MSI2: variants seen among roughly 807,000 people sequenced by gnomAD.
The protein encoded by MSI2 is RNA-binding protein Musashi homolog 2.
MSI2 carries 17 observed loss-of-function variants against 45.6 expected under a neutral mutation model. The ratio of observed to expected loss-of-function variants is 0.37; its 90% confidence interval spans 0.26 to 0.56. MSI2 has a LOEUF of 0.56. Ranked by LOEUF, MSI2 falls within the 20% of genes least tolerant of loss-of-function variation. The pLI is 0.77. For synonymous variants in MSI2, 156 were observed against 158.2 expected, an observed-to-expected ratio of 0.99 and a Z score of 0.11; for missense variants, 293 against 444.2, an observed-to-expected ratio of 0.66 and a Z score of 3.06.
chr17:57,683,826 A>G lies in MSI2; in HGVS notation c.*4309A>G, dbSNP rs1055327163. The G allele has an allele frequency of 2.2e-5, 5 of 232,368 alleles. No homozygotes were observed. The Admixed American group carries it at 2.3e-4, about 10-fold the overall frequency. 14.4% of individuals were successfully genotyped at this position (232,368 alleles called of 1,614,324 possible). A position where few individuals can be genotyped will look rare whatever the true frequency, so the allele number is the denominator to read the frequency against. ...CACCCTCACCCCAAAGCAGAAAACT[A>G]GCAGACGTCAGCTCAGCCCCGTCCT... On this transcript the variant is annotated 3_prime_UTR_variant, in exon 14 of 14. Transcript: ENST00000284073. This position sits in a 1 kb window ranked among gnomAD's most constrained non-coding sequence, Gnocchi z 5.2.
intron 6 of MSI2, among the ~76,000 whole-genome samples, chr17:57,480,432 A>G (rs568101334): frequency 6.6e-6 from 1 of 152,366 alleles, no homozygotes; most frequent in Admixed American, 6.5e-5. Flanking sequence ...AGGCCAATAA[A>G]CAGGACTCAT....
chr17:57,447,826 C>T (rs1296626976), intron 6 of MSI2, among the ~76,000 whole-genome samples: 2 of 152,160 alleles, frequency 1.3e-5, no homozygotes, highest in African/African-American at 4.8e-5. Flanking sequence ...CTGACACTGA[C>T]AATTTACTTC....
At chr17:57,474,172 G>T (rs80118282) in intron 6 of MSI2, among the ~76,000 whole-genome samples, 3,726 of 152,178 alleles carry the variant, frequency 0.024, 66 homozygotes, top group South Asian at 0.044. Context: ...TGGGCCACCG[G>T]TACTGTTTCC....
chr17:57,408,105 A>G (rs11871646), intron 6 of MSI2, among the ~76,000 whole-genome samples: 114,470 of 152,134 alleles, frequency 0.75, 46,400 homozygotes, highest in South Asian at 0.92. Context: ...CTTTTCCTCC[A>G]TAGACTGATT....
intron 5 of MSI2, among the ~76,000 whole-genome samples, chr17:57,288,740 G>A (rs1272810475): frequency 1.3e-5 from 2 of 152,166 alleles, no homozygotes; most frequent in Non-Finnish European, 2.9e-5. Context: ...GAGTGTGAGC[G>A]TTTGATTACC....
intron 7 of MSI2, among the ~76,000 whole-genome samples, chr17:57,579,792 C>T (rs1310012637): frequency 6.6e-6 from 1 of 152,182 alleles, no homozygotes; most frequent in Non-Finnish European, 1.5e-5. Context: ...CTTCGGTGTA[C>T]TCTCTCCTTA....
intron 5 of MSI2, among the ~76,000 whole-genome samples, chr17:57,382,057 G>A (rs1314191350): frequency 2.6e-5 from 4 of 152,206 alleles, no homozygotes; most frequent in South Asian, 2.1e-4. Flanking sequence ...TACTCTTCAG[G>A]AATAGTTTAC....
intron 5 of MSI2, among the ~76,000 whole-genome samples, chr17:57,397,738 A>G (rs1473383297): frequency 6.6e-6 from 1 of 152,168 alleles, no homozygotes; most frequent in Non-Finnish European, 1.5e-5. Context: ...CTGGCGGGAG[A>G]GGTCACTGTG....
At chr17:57,341,197 G>C (rs1266515633) in intron 5 of MSI2, among the ~76,000 whole-genome samples, 1 of 152,200 alleles carries the variant, frequency 6.6e-6, no homozygotes, top group Non-Finnish European at 1.5e-5. Flanking sequence ...GAGCTGGGAA[G>C]GATGCTGGCA....
At chr17:57,411,117 A>G (rs2084187807) in intron 6 of MSI2, among the ~76,000 whole-genome samples, 1 of 152,076 alleles carries the variant, frequency 6.6e-6, no homozygotes, top group African/African-American at 2.4e-5. Flanking sequence ...TGATTCCCCA[A>G]CCTCAGCCTC....
At chr17:57,361,398 C>T (rs963939050) in intron 5 of MSI2, among the ~76,000 whole-genome samples, 8 of 151,208 alleles carry the variant, frequency 5.3e-5, no homozygotes, top group African/African-American at 1.5e-4. Flanking sequence ...CTCAGAAGTT[C>T]GAGACAGCCT....
chr17:57,570,845 CCTGGCAGGCCGAT>C (rs1183209268), intron 7 of MSI2, among the ~76,000 whole-genome samples: 1 of 152,166 alleles, frequency 6.6e-6, no homozygotes. Context: ...TATGGGGGTT[CCTGGCAGGCCGAT>C]CTGGCAGGCA....
intron 6 of MSI2, among the ~76,000 whole-genome samples, chr17:57,443,142 G>C (rs1467435626): frequency 1.3e-5 from 2 of 152,128 alleles, no homozygotes; most frequent in South Asian, 4.1e-4. Flanking sequence ...CAGCCAAGCC[G>C]GCTGGCTGGG....
chr17:57,338,008 C>T (rs919113203), intron 5 of MSI2, among the ~76,000 whole-genome samples: 3 of 151,960 alleles, frequency 2.0e-5, no homozygotes, highest in Non-Finnish European at 4.4e-5. Context: ...TGGTGTGTAA[C>T]GTTCTCTCAT....
At chr17:57,623,118 A>G (rs1246018148) in intron 9 of MSI2, among the ~76,000 whole-genome samples, 4 of 152,204 alleles carry the variant, frequency 2.6e-5, no homozygotes, top group African/African-American at 9.7e-5. Context: ...GGGGCAAAGC[A>G]TCTTTGTAGA....
rs974194703 is a variant in MSI2 at position 57,412,983 on chromosome 17, T to G, written c.405+11512T>G. Among the ~76,000 whole-genome samples the G allele has an allele frequency of 7.2e-5, 11 of 152,270 alleles. No homozygotes were observed. In the South Asian group the frequency reaches 2.3e-3, roughly 31 times the overall value. On this transcript the variant is annotated intron_variant, in intron 6 of 13. Coordinates refer to ENST00000284073, the MANE Select transcript of MSI2 (RefSeq NM_138962.4). The stretch of plus-strand genomic sequence containing the variant: ...TTGTCATGAGGATTAAATGAGCTAA[T>G]GCACACATAGTTGTTAGCATCCTGC...
chr17:57,510,262 T>A (rs972610850), intron 6 of MSI2, among the ~76,000 whole-genome samples: 1 of 151,954 alleles, frequency 6.6e-6, no homozygotes, highest in Non-Finnish European at 1.5e-5. Context: ...GCCCTCTTGA[T>A]GAGGTGGGAT....
intron 5 of MSI2, among the ~76,000 whole-genome samples, chr17:57,314,761 G>A (rs904922801): frequency 8.6e-5 from 13 of 152,020 alleles, no homozygotes; most frequent in South Asian, 2.1e-4. Flanking sequence ...TAGTAAAAAC[G>A]GGGTTTCGCT....
intron 5 of MSI2, among the ~76,000 whole-genome samples, chr17:57,295,637 C>G (rs746367486): frequency 6.6e-6 from 1 of 152,048 alleles, no homozygotes; most frequent in Non-Finnish European, 1.5e-5. Context: ...CTCCGTTTTT[C>G]TTTGTTCTAG....
Sources: allele counts gnomAD v4.1 joint callset (sites outside exome capture counted in the v4.1 genomes callset), GRCh38; gene constraint gnomAD v4.1.1; non-coding constraint Gnocchi (gnomAD v3.1); transcripts MANE v1.5; gene names NCBI Gene and HGNC (gene_info 2026-07-23, HGNC 2026-07-21).